Variants in MB21D2 observed in about 807,000 individuals in gnomAD.
MB21D2 encodes Mab-21 domain containing 2, also known as nucleotidyltransferase MB21D2.
A neutral mutation model predicts 33.3 loss-of-function variants in MB21D2; 9 were observed. That is an observed-to-expected ratio of 0.27 (90% CI 0.16 to 0.47). The LOEUF (loss-of-function observed/expected upper bound fraction) is 0.47, where lower values mean the gene tolerates loss of function less well. MB21D2 is among the 20% of genes least tolerant of loss of function. MB21D2 has a pLI of 0.99. For missense variants in MB21D2, 540 were observed against 624.6 expected, an observed-to-expected ratio of 0.86 and a Z score of 1.44; for synonymous variants, 241 against 236.3, an observed-to-expected ratio of 1.02 and a Z score of -0.18.
chr3:192,857,442 C>T (rs1712942054), intron 1 of MB21D2, among the ~76,000 whole-genome samples: 1 of 152,210 alleles, frequency 6.6e-6, no homozygotes, highest in Non-Finnish European at 1.5e-5. Flanking sequence ...GAAACAGCTA[C>T]AGATTTCTAA....
intron 1 of MB21D2, among the ~76,000 whole-genome samples, chr3:192,894,852 TA>T (rs1226511883): frequency 6.6e-6 from 1 of 152,162 alleles, no homozygotes; most frequent in Admixed American, 6.5e-5. Context: ...AACCTCCCTT[TA>T]GGCTTTTTCT....
At chr3:192,871,167 A>G (rs1252839815) in intron 1 of MB21D2, among the ~76,000 whole-genome samples, 2 of 152,174 alleles carry the variant, frequency 1.3e-5, no homozygotes, top group Non-Finnish European at 2.9e-5. Flanking sequence ...GAGTCCATCT[A>G]TTCTCATAGA....
At chr3:192,904,723 G>C (rs1447185489) in intron 1 of MB21D2, among the ~76,000 whole-genome samples, 1 of 152,198 alleles carries the variant, frequency 6.6e-6, no homozygotes, top group South Asian at 2.1e-4. Flanking sequence ...GAAGAACAAC[G>C]GGCAGGTGTT....
intron 1 of MB21D2, among the ~76,000 whole-genome samples, chr3:192,912,701 A>C (rs1398660142): frequency 6.6e-6 from 1 of 152,106 alleles, no homozygotes; most frequent in Non-Finnish European, 1.5e-5. Context: ...GAAAAAAAGA[A>C]ATTATCTTTG....
intron 1 of MB21D2, among the ~76,000 whole-genome samples, chr3:192,830,774 T>C (rs1234742662): frequency 6.6e-6 from 1 of 152,190 alleles, no homozygotes; most frequent in African/African-American, 2.4e-5. Context: ...GCATGAAGAA[T>C]CTCAGCCTGC....
Position 192,917,821 on chromosome 3 carries a change from G to T in MB21D2, c.20C>A (p.Thr7Asn). Residue 7 changes from threonine (T) to asparagine (N), a missense_variant, in exon 1 of 2, where the codon ACC becomes AAC. By Grantham distance (65) the Thr-to-Asn change is moderately conservative (BLOSUM62 0). Transcript: ENST00000392452. ...GCCCAGGGAGGCTGCCTTGTTGGCG[G>T]TGGGAGCCGCCATCTTCATGCAAAA... MKMAAP[T>N]ANKAASLGCN... The T allele has an allele frequency of 6.2e-7, 1 of 1,610,268 alleles. No homozygotes were observed. The highest frequency in any genetic ancestry group is 8.5e-7 in the Non-Finnish European group (1 of 1,178,460).
intron 1 of MB21D2, among the ~76,000 whole-genome samples, chr3:192,889,766 C>A (rs192072791): frequency 6.6e-5 from 10 of 152,192 alleles, no homozygotes; most frequent in Middle Eastern, 3.4e-3. Flanking sequence ...TGAACTATTT[C>A]TAAAGCGTGC....
rs181828724 is a variant in MB21D2, at chr3:192,805,086, G to A, written c.212-5436C>T. 7.9e-5 allele frequency among the ~76,000 whole-genome samples: 12 copies of A among 152,284 alleles called. No homozygotes were observed. In the South Asian group the frequency reaches 8.3e-4, roughly 11 times the overall value. On this transcript the variant is annotated intron_variant, in intron 1 of 1. Coordinates refer to ENST00000392452, the MANE Select transcript of MB21D2 (RefSeq NM_178496.4). ...AGCATTGTTGCATTCCAACATTTGC[G>A]CAAAGACCAGAATAACACATATGTC...
chr3:192,878,573 G>A (rs1713491926), intron 1 of MB21D2, among the ~76,000 whole-genome samples: 1 of 152,142 alleles, frequency 6.6e-6, no homozygotes, highest in Non-Finnish European at 1.5e-5. Context: ...CTTTGAATGT[G>A]TCAGCATTTC....
intron 1 of MB21D2, among the ~76,000 whole-genome samples, chr3:192,850,596 A>C (rs1479108105): frequency 2.0e-5 from 3 of 152,188 alleles, no homozygotes; most frequent in African/African-American, 7.2e-5. Flanking sequence ...CCCCACCCAG[A>C]TACACATACA....
intron 1 of MB21D2, among the ~76,000 whole-genome samples, chr3:192,869,318 G>GAGGGGAAAA (rs1713239136): frequency 7.3e-6 from 1 of 136,632 alleles, no homozygotes; most frequent in East Asian, 2.3e-4. Context: ...AGGAGGGAAG[G>GAGGGGAAAA]AGGGAAAAAG....
intron 1 of MB21D2, among the ~76,000 whole-genome samples, chr3:192,828,463 T>TA (rs1424443095): frequency 6.6e-6 from 1 of 151,070 alleles, no homozygotes; most frequent in Non-Finnish European, 1.5e-5. Context: ...TCACAAGACC[T>TA]AGCAAGTCAT....
intron 1 of MB21D2, among the ~76,000 whole-genome samples, chr3:192,876,165 C>T (rs1713422970): frequency 6.6e-6 from 1 of 152,150 alleles, no homozygotes; most frequent in Non-Finnish European, 1.5e-5. Flanking sequence ...TCGGATGCTC[C>T]CCCAGGCACT....
intron 1 of MB21D2, among the ~76,000 whole-genome samples, chr3:192,859,014 G>A (rs376874284): frequency 6.6e-5 from 10 of 152,274 alleles, no homozygotes; most frequent in African/African-American, 2.4e-4. Flanking sequence ...TTTTAAGGTT[G>A]AGAAAACTAA....
At chr3:192,847,867 A>G (rs1228806430) in intron 1 of MB21D2, among the ~76,000 whole-genome samples, 2 of 152,214 alleles carry the variant, frequency 1.3e-5, no homozygotes, top group Non-Finnish European at 2.9e-5. Context: ...CCTAGATGAG[A>G]AGGACAGGTT....
At position 192,814,638 on chromosome 3, in the gene MB21D2, A is replaced by G. The variant is rs574862928; in HGVS notation, c.212-14988T>C. 7.0e-3 allele frequency among the ~76,000 whole-genome samples: 1,070 copies of G among 152,218 alleles called. 9 individuals carry two copies. Among genetic ancestry groups the G allele is most frequent in the Middle Eastern group, 0.024 (7 of 294 alleles). Reference sequence around the variant, plus strand: ...AGCACTTTGGGAGGCCAAGGTGGGCAGATCACGAGGTCAGGAGATCGAGAC... The same window carrying G: ...AGCACTTTGGGAGGCCAAGGTGGGCGGATCACGAGGTCAGGAGATCGAGAC... On this transcript the variant is annotated intron_variant, in intron 1 of 1. Coordinates refer to ENST00000392452, the MANE Select transcript of MB21D2 (RefSeq NM_178496.4).
At chr3:192,829,412 T>C (rs917857882) in intron 1 of MB21D2, among the ~76,000 whole-genome samples, 10 of 152,356 alleles carry the variant, frequency 6.6e-5, no homozygotes, top group African/African-American at 2.4e-4. Flanking sequence ...TTCCATTTTT[T>C]AAGGGTGGAT....
intron 1 of MB21D2, among the ~76,000 whole-genome samples, chr3:192,904,018 A>T (rs1714155305): frequency 1.3e-5 from 2 of 152,206 alleles, no homozygotes; most frequent in Non-Finnish European, 2.9e-5. Context: ...AGTCTCAGGG[A>T]TGTCTTTACA....
In MB21D2 at chr3:192,872,532, C is replaced by T. The variant is rs555105811; in HGVS notation, c.211+45098G>A. On this transcript the variant is annotated intron_variant, in intron 1 of 1. Coordinates refer to ENST00000392452, the MANE Select transcript of MB21D2 (RefSeq NM_178496.4). ...CGGAGCTTGCAGTGAGCCGAGATCG[C>T]GCCACTGCACTCCAGCCTGGGCCAC... is the stretch of plus-strand genomic sequence containing the variant. 1.0e-4 allele frequency among the ~76,000 whole-genome samples: 15 copies of T among 150,228 alleles called. No individual in the cohort carries two copies. In the South Asian group the frequency reaches 2.5e-3, roughly 25 times the overall value.
Sources: gnomAD v4.1 joint callset for allele counts (sites outside exome capture counted in the v4.1 genomes callset) on GRCh38, gnomAD v4.1.1 for gene constraint, MANE v1.5 for transcripts, NCBI Gene and HGNC (gene_info 2026-07-23, HGNC 2026-07-21) for gene names.